Variants in TFEC observed in about 807,000 individuals in gnomAD.
TFEC encodes the protein class E basic helix-loop-helix protein 34.
A neutral mutation model predicts 41.6 loss-of-function variants in TFEC; 31 were observed. The observed-to-expected ratio is 0.74, with a 90% CI of 0.56 to 1.01. TFEC has a LOEUF of 1.01. Among genes scored for constraint, TFEC ranks in the 50% least tolerant of loss-of-function variants. The pLI, the probability that TFEC is intolerant of heterozygous loss-of-function variation, is 0.00. For missense variants in TFEC, 402 were observed against 404.1 expected (o/e 0.99, Z 0.04); for synonymous variants, 143 against 140.6 (o/e 1.02, Z -0.12).
At chr7:116,061,240 T>C (rs1796550046) in intron 3 of TFEC, among the ~76,000 whole-genome samples, 1 of 152,122 alleles carries the variant, frequency 6.6e-6, no homozygotes, top group Non-Finnish European at 1.5e-5. Flanking sequence ...ATCATAATGA[T>C]GTGGAATTGG....
intron 2 of TFEC, 70 bp downstream of exon 2, chr7:115,984,192 C>G (rs1418227744): frequency 7.7e-6 from 12 of 1,548,812 alleles, no homozygotes; most frequent in Non-Finnish European, 9.6e-6. Context: ...AAAATGTTGA[C>G]TTCAATTACT....
chr7:116,029,174 TA>T (rs1303699531), intron 1 of TFEC, among the ~76,000 whole-genome samples: 8 of 150,800 alleles, frequency 5.3e-5, no homozygotes, highest in Admixed American at 1.3e-4. Context: ...ATTGAAAACT[TA>T]AAAAAAAAGT....
At chr7:116,040,168 T>A (rs1796002060) in intron 3 of TFEC, among the ~76,000 whole-genome samples, 2 of 151,986 alleles carry the variant, frequency 1.3e-5, no homozygotes, top group South Asian at 4.1e-4. Context: ...AAAATAAACA[T>A]AGGAAAAACA....
At chr7:116,043,787 A>G (rs1052643323) in intron 3 of TFEC, among the ~76,000 whole-genome samples, 1 of 152,208 alleles carries the variant, frequency 6.6e-6, no homozygotes, top group Admixed American at 6.5e-5. Flanking sequence ...GGATTAACAT[A>G]CACTGAGAAA....
At chr7:116,119,362 G>A (rs1372127346) in intron 1 of TFEC, among the ~76,000 whole-genome samples, 1 of 151,662 alleles carries the variant, frequency 6.6e-6, no homozygotes, top group African/African-American at 2.4e-5. Context: ...GGTCTGGAAA[G>A]ATAAATATGA....
intron 1 of TFEC, among the ~76,000 whole-genome samples, chr7:116,017,377 C>T (rs952738193): frequency 1.3e-5 from 2 of 152,064 alleles, no homozygotes; most frequent in African/African-American, 4.8e-5. Flanking sequence ...ACACACACCA[C>T]CGCAGCTGGC....
rs73458769 is a variant in TFEC at position 115,960,503 on chromosome 7, T to C, written c.268-3710A>G. 5.6e-3 allele frequency among the ~76,000 whole-genome samples: 845 copies of C among 151,718 alleles called. 9 individuals carry two copies. The highest frequency in any genetic ancestry group is 0.02 in the African/African-American group (816 of 41,478). ...TTGCGGAATAAATAATGGCAGTGGA[T>C]CCAAGATCAAAGATTGAGTGAAACA... On this transcript the variant is annotated intron_variant, in intron 3 of 7. Transcript: ENST00000265440.
intron 1 of TFEC, among the ~76,000 whole-genome samples, chr7:116,013,772 T>A (rs1795091488): frequency 6.6e-6 from 1 of 152,114 alleles, no homozygotes; most frequent in African/African-American, 2.4e-5. Flanking sequence ...CAAATATGAA[T>A]CAACTGACCT....
chr7:116,155,759 C>T (rs1361073667), intron 1 of TFEC, among the ~76,000 whole-genome samples: 1 of 152,146 alleles, frequency 6.6e-6, no homozygotes, highest in Non-Finnish European at 1.5e-5. Context: ...CTGCTTCTAT[C>T]TTTCTTTTTT....
chr7:116,146,259 C>T (rs1798638502), intron 1 of TFEC, among the ~76,000 whole-genome samples: 1 of 152,172 alleles, frequency 6.6e-6, no homozygotes, highest in African/African-American at 2.4e-5. Flanking sequence ...AAACAGAGTT[C>T]TAGACTCAGT....
intron 3 of TFEC, among the ~76,000 whole-genome samples, chr7:116,096,194 CACACACACACATAA>C (rs1797449878): frequency 6.6e-6 from 1 of 152,012 alleles, no homozygotes; most frequent in South Asian, 2.1e-4. Context: ...CTCCCCGCTC[CACACACACACATAA>C]ACACACACAC....
At chr7:115,941,058 T>C in intron 7 of TFEC, 127 bp from the exon 8 acceptor site, 2 of 873,244 alleles carry the variant, frequency 2.3e-6, no homozygotes, top group Non-Finnish European at 3.4e-6. Flanking sequence ...ATACAAATTA[T>C]GAATAATCTT....
At chr7:115,965,653 C>T (rs887828804) in intron 3 of TFEC, among the ~76,000 whole-genome samples, 1 of 151,534 alleles carries the variant, frequency 6.6e-6, no homozygotes, top group African/African-American at 2.4e-5. Flanking sequence ...GTTTTCATAA[C>T]CCTAGAAAAA....
intron 1 of TFEC, among the ~76,000 whole-genome samples, chr7:115,992,855 G>A (rs1373627474): frequency 3.9e-5 from 6 of 152,166 alleles, no homozygotes; most frequent in African/African-American, 1.4e-4. Context: ...CTCATTTTAT[G>A]AGGCCAGCAT....
intron 3 of TFEC, among the ~76,000 whole-genome samples, chr7:115,958,953 G>C (rs576162693): frequency 6.6e-6 from 1 of 151,770 alleles, no homozygotes; most frequent in Non-Finnish European, 1.5e-5. Flanking sequence ...CAGTGTTAGT[G>C]AAAATGTACA....
intron 1 of TFEC, among the ~76,000 whole-genome samples, chr7:116,126,550 A>C (rs574922916): frequency 3.8e-4 from 58 of 152,286 alleles, no homozygotes; most frequent in African/African-American, 1.3e-3. Context: ...AAGGAACACT[A>C]TCAAGAAATT....
intron 3 of TFEC, among the ~76,000 whole-genome samples, chr7:116,042,390 A>G (rs1292012707): frequency 6.6e-6 from 1 of 152,324 alleles, no homozygotes; most frequent in South Asian, 2.1e-4. Flanking sequence ...TGACGAAAAG[A>G]GAAGTTATAT....
intron 2 of TFEC, among the ~76,000 whole-genome samples, chr7:115,978,870 G>A (rs1175006932): frequency 6.6e-6 from 1 of 152,094 alleles, no homozygotes. Context: ...TCCCTTAAAT[G>A]TTGGTCATCT....
chr7:116,003,844 C>G (rs1794690314), intron 1 of TFEC, among the ~76,000 whole-genome samples: 1 of 151,880 alleles, frequency 6.6e-6, no homozygotes, highest in African/African-American at 2.4e-5. Context: ...TAAAAAAAAC[C>G]CTCAAAATAT....
Sources: gnomAD v4.1 joint callset for allele counts (sites outside exome capture counted in the v4.1 genomes callset) on GRCh38, gnomAD v4.1.1 for gene constraint, MANE v1.5 for transcripts, NCBI Gene and HGNC (gene_info 2026-07-23, HGNC 2026-07-21) for gene names.